Variants in NALF1 observed in about 807,000 individuals in gnomAD.
The protein encoded by NALF1 is NALCN channel auxiliary factor 1, also known as family with sequence similarity 155 member A.
A neutral mutation model predicts 48.4 loss-of-function variants in NALF1; 3 were observed. The observed-to-expected ratio is 0.06, with a 90% CI of 0.03 to 0.16. The LOEUF is 0.16. Ranked by LOEUF, NALF1 falls within the 10% of genes least tolerant of loss-of-function variation. The probability of loss-of-function intolerance (pLI) is 1.00; values close to 1 mark genes in which losing one functional copy is unlikely to be tolerated. For synonymous variants in NALF1, 262 were observed against 245.7 expected (o/e 1.07, Z -0.62); for missense variants, 526 against 571.5 (o/e 0.92, Z 0.81).
rs531087300 is a variant in NALF1, at chr13:107,240,904, T to C, written c.916-30149A>G. ...ACTATGTCTTAGAATGGTGTCTTAG[T>C]TCTTTTTTTGCTGCTAAAACAGAAT... On this transcript the variant is annotated intron_variant, in intron 1 of 2. Coordinates refer to ENST00000375915, the MANE Select transcript of NALF1 (RefSeq NM_001080396.3). Among the ~76,000 whole-genome samples the C allele has an allele frequency of 1.7e-4, 26 of 152,024 alleles. No individual in the cohort carries two copies. In the South Asian group the frequency reaches 5.0e-3, roughly 29 times the overall value.
intron 1 of NALF1, among the ~76,000 whole-genome samples, chr13:107,764,000 T>C (rs1443322897): frequency 6.6e-6 from 1 of 152,170 alleles, no homozygotes; most frequent in Non-Finnish European, 1.5e-5. Flanking sequence ...TGAGAGCCTT[T>C]CTACTAATGG....
At chr13:107,340,518 C>CTTTCTGTCTTTCTTTCTTTCTTTTCTT (rs1882660291) in intron 1 of NALF1, among the ~76,000 whole-genome samples, 1 of 129,804 alleles carries the variant, frequency 7.7e-6, no homozygotes, top group Non-Finnish European at 1.6e-5. Context: ...TTCTTTCTTT[C>CTTTCTGTCTTTCTTTCTTTCTTTTCTT]TCTCTCTTTT....
intron 1 of NALF1, among the ~76,000 whole-genome samples, chr13:107,325,238 A>G (rs1882329358): frequency 6.6e-6 from 1 of 152,216 alleles, no homozygotes; most frequent in Non-Finnish European, 1.5e-5. Flanking sequence ...TGCATAAAAA[A>G]TAAAATTAAA....
At chr13:107,331,018 A>T (rs975864674) in intron 1 of NALF1, among the ~76,000 whole-genome samples, 1 of 152,228 alleles carries the variant, frequency 6.6e-6, no homozygotes, top group Non-Finnish European at 1.5e-5. Context: ...GAACATTAAT[A>T]AAATAGGTAA....
chr13:107,218,544 A>G (rs1293706615), intron 1 of NALF1, among the ~76,000 whole-genome samples: 1 of 152,190 alleles, frequency 6.6e-6, no homozygotes, highest in Non-Finnish European at 1.5e-5. Flanking sequence ...TGAGCCCCCA[A>G]CATATTAAAT....
At chr13:107,204,017 CA>C in intron 2 of NALF1, among the ~76,000 whole-genome samples, 1 of 131,442 alleles carries the variant, frequency 7.6e-6, no homozygotes, top group Non-Finnish European at 1.7e-5. Flanking sequence ...GGGGCGCCCA[CA>C]AGCTCTCCCT....
At chr13:107,521,934 C>A (rs1042971576) in intron 1 of NALF1, among the ~76,000 whole-genome samples, 1 of 151,096 alleles carries the variant, frequency 6.6e-6, no homozygotes, top group African/African-American at 2.4e-5. Context: ...TACACACACA[C>A]ACACACATAC....
chr13:107,823,199 G>A (rs1462145623), intron 1 of NALF1, among the ~76,000 whole-genome samples: 1 of 152,140 alleles, frequency 6.6e-6, no homozygotes, highest in African/African-American at 2.4e-5. Context: ...TGCCTTTCAG[G>A]CCTAGTGTGG....
At chr13:107,303,395 T>C (rs545664948) in intron 1 of NALF1, among the ~76,000 whole-genome samples, 1 of 152,326 alleles carries the variant, frequency 6.6e-6, no homozygotes, top group African/African-American at 2.4e-5. Context: ...TCTCTATAGA[T>C]ATATTATATT....
intron 1 of NALF1, among the ~76,000 whole-genome samples, chr13:107,269,216 G>T (rs1881105290): frequency 6.6e-6 from 1 of 151,948 alleles, no homozygotes; most frequent in Non-Finnish European, 1.5e-5. Context: ...ATTGTGGGTG[G>T]GAGTACAGTA....
intron 1 of NALF1, among the ~76,000 whole-genome samples, chr13:107,476,306 A>G (rs1336447225): frequency 1.3e-5 from 2 of 152,228 alleles, no homozygotes; most frequent in African/African-American, 4.8e-5. Flanking sequence ...CTAGCATGCA[A>G]TGTGCTATAA....
intron 1 of NALF1, among the ~76,000 whole-genome samples, chr13:107,348,751 G>A (rs943305164): frequency 1.3e-4 from 20 of 152,180 alleles, no homozygotes; most frequent in African/African-American, 4.6e-4. Flanking sequence ...GACGAAGCAG[G>A]CATTTAATAT....
intron 1 of NALF1, among the ~76,000 whole-genome samples, chr13:107,596,474 T>C (rs1004796076): frequency 1.2e-4 from 18 of 152,176 alleles, no homozygotes; most frequent in South Asian, 4.1e-4. Flanking sequence ...ATATACACCA[T>C]GGAATGCTAT....
chr13:107,647,316 T>C lies in NALF1; in HGVS notation c.915+218366A>G, dbSNP rs529929795. ...CTATGCCCTCAGTAAAGAGTTAGTT[T>C]TCAAAATTTTGTCCTTTTTTACCAT... On this transcript the variant is annotated intron_variant, in intron 1 of 2. Transcript: ENST00000375915. Among the ~76,000 whole-genome samples, 8 of 152,160 alleles carry C rather than the reference T, an allele frequency of 5.3e-5. No individual in the cohort carries two copies. The South Asian group carries it at 1.7e-3, about 31-fold the overall frequency.
chr13:107,316,688 A>C (rs930545917), intron 1 of NALF1, among the ~76,000 whole-genome samples: 1 of 152,144 alleles, frequency 6.6e-6, no homozygotes, highest in Non-Finnish European at 1.5e-5. Context: ...TGGCTGCATA[A>C]ATGTCTTCTT....
chr13:107,292,938 T>C (rs1881651072), intron 1 of NALF1, among the ~76,000 whole-genome samples: 1 of 151,872 alleles, frequency 6.6e-6, no homozygotes, highest in African/African-American at 2.4e-5. Context: ...TTACAATGGC[T>C]AAGACGTCAC....
At chr13:107,186,974 G>T (rs1463813827) in intron 2 of NALF1, among the ~76,000 whole-genome samples, 1 of 152,122 alleles carries the variant, frequency 6.6e-6, no homozygotes, top group African/African-American at 2.4e-5. Flanking sequence ...CCATTGGTTG[G>T]AAATTCTCAG....
At chr13:107,530,000 A>G (rs149216324) in intron 1 of NALF1, among the ~76,000 whole-genome samples, 10 of 152,188 alleles carry the variant, frequency 6.6e-5, no homozygotes, top group Middle Eastern at 3.4e-3. Context: ...TTAATACCCA[A>G]GAGTAAGAAT....
intron 1 of NALF1, among the ~76,000 whole-genome samples, chr13:107,647,521 A>C (rs1880345110): frequency 6.6e-6 from 1 of 151,998 alleles, no homozygotes; most frequent in South Asian, 2.1e-4. Context: ...TGTTTCTACA[A>C]AGGCAGAATT....
Sources: allele counts gnomAD v4.1 joint callset (sites outside exome capture counted in the v4.1 genomes callset), GRCh38; gene constraint gnomAD v4.1.1; transcripts MANE v1.5; gene names NCBI Gene and HGNC (gene_info 2026-07-23, HGNC 2026-07-21).